RAB3A: variants seen among roughly 807,000 people sequenced by gnomAD.
RAB3A encodes RAB3A, member RAS oncogene family.
A neutral mutation model predicts 19.7 loss-of-function variants in RAB3A; 5 were observed. That is an observed-to-expected ratio of 0.25 (90% CI 0.13 to 0.53). The LOEUF (loss-of-function observed/expected upper bound fraction) is 0.53, where lower values mean the gene tolerates loss of function less well. RAB3A is among the 20% of genes least tolerant of loss of function. The pLI, the probability that RAB3A is intolerant of heterozygous loss-of-function variation, is 0.95. For missense variants in RAB3A, 189 were observed against 305.6 expected, an observed-to-expected ratio of 0.62 and a Z score of 2.85; for synonymous variants, 119 against 122.1, an observed-to-expected ratio of 0.97 and a Z score of 0.17.
chr19:18,202,841 T>G lies in RAB3A; in HGVS notation c.1-101A>C. 1 of 875,670 alleles carries G rather than the reference T, an allele frequency of 1.1e-6. No homozygotes were observed. The highest frequency in any genetic ancestry group is 2.3e-4 in the Middle Eastern group (1 of 4,264). 54.2% of individuals were successfully genotyped at this position (875,670 alleles called of 1,614,324 possible). On this transcript the variant is annotated intron_variant, in intron 1 of 4. Transcript: ENST00000222256. This position sits in a 1 kb window ranked among gnomAD's most constrained non-coding sequence, Gnocchi z 4.2. ...GGCAAGGGCTCCAGAAAACGGCCGG[T>G]GTATGGAGGACACCCTTATCCCATC...
Position 18,202,604 on chromosome 19 carries a change from G to A in RAB3A, c.137C>T (p.Ser46Leu), listed in dbSNP as rs748659456. Residue 46 changes from serine to leucine, a missense_variant, in exon 2 of 5, where the codon TCG becomes TTG. Physicochemically the swap from Ser to Leu is moderately radical, Grantham distance 145. Transcript: ENST00000222256. This position sits in a 1 kb window ranked among gnomAD's most constrained non-coding sequence, Gnocchi z 4.2. The part of the protein sequence containing the change: ...TSFLFRYADD[S>L]FTPAFVSTVG... ...GGTGCTGACGAAGGCAGGCGTGAACGAGTCGTCAGCATAGCGGAAGAGGAA... is the reference window on the plus strand; with the variant it reads ...GGTGCTGACGAAGGCAGGCGTGAACAAGTCGTCAGCATAGCGGAAGAGGAA... The A allele has an allele frequency of 1.2e-6, 2 of 1,614,186 alleles. No individual in the cohort carries two copies. Among genetic ancestry groups the A allele is most frequent in the Non-Finnish European group, 1.7e-6 (2 of 1,180,038 alleles).
Position 18,202,398 on chromosome 19 carries a change from G to GC in RAB3A, c.228+114dup. 1.1e-6 allele frequency: 1 copy of GC among 927,206 alleles called. No individual in the cohort carries two copies. Among genetic ancestry groups the GC allele is most frequent in the East Asian group, 2.4e-5 (1 of 40,868 alleles). 57.4% of individuals were successfully genotyped at this position (927,206 alleles called of 1,614,324 possible). A position where few individuals can be genotyped will look rare whatever the true frequency, so the allele number is the denominator to read the frequency against. ...CACAGTGGGCACCTTACTGATAAATGCCCAGTGTGTAAGTGAATGACTCCA... is the reference window on the plus strand; with the variant it reads ...CACAGTGGGCACCTTACTGATAAATGCCCCAGTGTGTAAGTGAATGACTCCA... On this transcript the variant is annotated intron_variant, in intron 2 of 4. Coordinates refer to ENST00000222256, the MANE Select transcript of RAB3A (RefSeq NM_002866.5). The surrounding 1 kb of genome is among the most constrained non-coding windows in gnomAD (Gnocchi z 4.2).
At position 18,198,806 on chromosome 19, in the gene RAB3A, G is replaced by A; in HGVS notation, c.391C>T (p.Leu131=). 6.2e-7 allele frequency: 1 copy of A among 1,614,126 alleles called. No homozygotes were observed. Among genetic ancestry groups the A allele is most frequent in the East Asian group, 2.2e-5 (1 of 44,872 alleles). ...ATGTCACACTTGTTTCCTACCAGCAGCACCTGGGCATTGTCCCATGAGTAG... is the reference window on the plus strand; with the variant it reads ...ATGTCACACTTGTTTCCTACCAGCAACACCTGGGCATTGTCCCATGAGTAG... ...KTYSWDNAQV[L]LVGNKCDMED... Residue 131 remains leucine, a synonymous_variant, in exon 4 of 5, where the codon CTG becomes TTG. Transcript: ENST00000222256.
rs564471316 is a variant in RAB3A, at chr19:18,199,616, C to T, written c.347+711G>A. 5.4e-3 allele frequency among the ~76,000 whole-genome samples: 820 copies of T among 152,066 alleles called. 6 individuals are homozygous for T. The highest frequency in any genetic ancestry group is 8.4e-3 in the Non-Finnish European group (572 of 67,984). ...TTGGCTCACTGCAACCTCCACCTCC[C>T]GGGTTCGAGCGATTCTCCTGCCTCA... On this transcript the variant is annotated intron_variant, in intron 3 of 4. Transcript: ENST00000222256.
At position 18,197,190 on chromosome 19, in the gene RAB3A, G is replaced by C; in HGVS notation, c.*280C>G. On this transcript the variant is annotated 3_prime_UTR_variant, in exon 5 of 5. Coordinates refer to ENST00000222256, the MANE Select transcript of RAB3A (RefSeq NM_002866.5). ...AAAAAAGGCGGGGGGGGGGGGTTCAGGAGGGTGAGCGGTGAGTTCACGGGG... is the reference window on the plus strand; with the variant it reads ...AAAAAAGGCGGGGGGGGGGGGTTCACGAGGGTGAGCGGTGAGTTCACGGGG... 2.5e-6 allele frequency: 1 copy of C among 396,894 alleles called. No homozygotes were observed. The highest frequency in any genetic ancestry group is 2.1e-5 in the African/African-American group (1 of 47,838). 24.6% of individuals were successfully genotyped at this position (396,894 alleles called of 1,614,324 possible). A position where few individuals can be genotyped will look rare whatever the true frequency, so the allele number is the denominator to read the frequency against.
In RAB3A at chr19:18,202,535, T is replaced by C; in HGVS notation, c.206A>G (p.Lys69Arg). The change falls in exon 2 of 5, where the codon AAG (lysine) becomes AGG (arginine). Residue 69 changes from lysine (K) to arginine (R), a missense_variant. By Grantham distance (26) the Lys-to-Arg change is conservative. Coordinates refer to ENST00000222256, the MANE Select transcript of RAB3A (RefSeq NM_002866.5). This position sits in a 1 kb window ranked among gnomAD's most constrained non-coding sequence, Gnocchi z 4.2. ...FKVKTIYRND[K>R]RIKLQIWDTA... ...CACCCAGATCTGCAGCTTGATCCTC[T>C]TGTCGTTGCGATAGATGGTCTTGAC... 6.2e-7 allele frequency: 1 copy of C among 1,614,150 alleles called. No individual in the cohort carries two copies. Among genetic ancestry groups the C allele is most frequent in the Non-Finnish European group, 8.5e-7 (1 of 1,179,998 alleles).
chr19:18,200,268 A>C lies in RAB3A; in HGVS notation c.347+59T>G, dbSNP rs1967589185. On this transcript the variant is annotated intron_variant, in intron 3 of 4. Transcript: ENST00000222256. ...ACTGCACTCCAGCCTGGGTGACAGA[A>C]TAAAACCCTCTCTCAAAGAAAAGAA... 2.8e-6 allele frequency: 4 copies of C among 1,419,102 alleles called. No individual in the cohort carries two copies. The South Asian group carries it at 5.0e-5, about 18-fold the overall frequency. 87.9% of individuals were successfully genotyped at this position (1,419,102 alleles called of 1,614,324 possible).
rs865803437 is a variant in RAB3A, at chr19:18,197,398, G to A, written c.*72C>T. ...GGTCTTGTGCCCGTGGCTGGTAGGG[G>A]CCGGGTCAGGCCCGGGTAGTTGGGG... On this transcript the variant is annotated 3_prime_UTR_variant, in exon 5 of 5. Transcript: ENST00000222256. 16 of 1,458,784 alleles carry A rather than the reference G, an allele frequency of 1.1e-5. 1 individual carries two copies. The African/African-American group carries it at 1.7e-4, about 16-fold the overall frequency. 90.4% of individuals were successfully genotyped at this position (1,458,784 alleles called of 1,614,324 possible). A position where few individuals can be genotyped will look rare whatever the true frequency, so the allele number is the denominator to read the frequency against.
chr19:18,199,030 G>A (rs771131946), intron 3 of RAB3A, among the ~76,000 whole-genome samples, 181 bp from the exon 4 acceptor site: 18 of 151,736 alleles, frequency 1.2e-4, no homozygotes, highest in Non-Finnish European at 2.5e-4. Flanking sequence ...GCCCCCGACT[G>A]ACCCATTATT....
chr19:18,200,261 T>A, intron 3 of RAB3A, 66 bp downstream of exon 3: 1 of 1,363,074 alleles, frequency 7.3e-7, no homozygotes, highest in Non-Finnish European at 1.0e-6. Context: ...CCAGCCTGGG[T>A]GACAGAATAA....
chr19:18,196,968 A>C lies in RAB3A; in HGVS notation c.*502T>G. On this transcript the variant is annotated 3_prime_UTR_variant, in exon 5 of 5. Coordinates refer to ENST00000222256, the MANE Select transcript of RAB3A (RefSeq NM_002866.5). ...GCACACCCCCCCACCAAAAGAGAAAACGGGGAGAGGAGCCTGGCAGGCCAG... is the reference window on the plus strand; with the variant it reads ...GCACACCCCCCCACCAAAAGAGAAACCGGGGAGAGGAGCCTGGCAGGCCAG... 6.1e-6 allele frequency: 1 copy of C among 164,982 alleles called. No individual in the cohort carries two copies. Among genetic ancestry groups the C allele is most frequent in the Admixed American group, 5.7e-5 (1 of 17,576 alleles). The allele number at this position is 164,982 out of a possible 1,614,324, so 10.2% of individuals were successfully genotyped here. A position where few individuals can be genotyped will look rare whatever the true frequency, so the allele number is the denominator to read the frequency against.
rs1967542762 is a variant in RAB3A at position 18,197,305 on chromosome 19, G to C, written c.*165C>G. The C allele has an allele frequency of 1.5e-6, 1 of 673,306 alleles. No homozygotes were observed. The highest frequency in any genetic ancestry group is 2.4e-6 in the Non-Finnish European group (1 of 415,170). 41.7% of individuals were successfully genotyped at this position (673,306 alleles called of 1,614,324 possible). A position where few individuals can be genotyped will look rare whatever the true frequency, so the allele number is the denominator to read the frequency against. On this transcript the variant is annotated 3_prime_UTR_variant, in exon 5 of 5. Coordinates refer to ENST00000222256, the MANE Select transcript of RAB3A (RefSeq NM_002866.5). ...GGCAGGGGAGCCTGGGCCCCTGGGG[G>C]ACATCTTCAATAAATAAATAAATAG...
At chr19:18,198,921 A>C in intron 3 of RAB3A, 72 bp from the exon 4 acceptor site, 1 of 1,556,532 alleles carries the variant, frequency 6.4e-7, no homozygotes, top group Non-Finnish European at 8.7e-7. Context: ...GCTGATGTGG[A>C]GCCTGTGTCC....
chr19:18,198,801 C>A lies in RAB3A; in HGVS notation c.396G>T (p.Leu132=), dbSNP rs556347776. The change falls in exon 4 of 5, where the codon CTG becomes CTT. Residue 132 remains leucine (L), a synonymous_variant. Transcript: ENST00000222256. ...CCTCCATGTCACACTTGTTTCCTAC[C>A]AGCAGCACCTGGGCATTGTCCCATG... ...TYSWDNAQVL[L]VGNKCDMEDE... 6.2e-7 allele frequency: 1 copy of A among 1,614,130 alleles called. No homozygotes were observed. Among genetic ancestry groups the A allele is most frequent in the South Asian group, 1.1e-5 (1 of 91,080 alleles).
At chr19:18,201,427 CA>C (rs979432117) in intron 2 of RAB3A, among the ~76,000 whole-genome samples, 3 of 147,952 alleles carry the variant, frequency 2.0e-5, no homozygotes, top group Admixed American at 6.8e-5. Context: ...ACTAAAAATA[CA>C]AAAAAAAATT....
At chr19:18,198,938 G>C (rs368111103) in intron 3 of RAB3A, 89 bp from the exon 4 acceptor site, 13 of 1,488,460 alleles carry the variant, frequency 8.7e-6, no homozygotes, top group Non-Finnish European at 1.1e-5. Context: ...GTCCTTGTCC[G>C]AGGAAGAAAG....
intron 2 of RAB3A, among the ~76,000 whole-genome samples, chr19:18,201,249 CAAAA>C (rs111370852): frequency 1.1e-4 from 12 of 113,228 alleles, no homozygotes; most frequent in African/African-American, 1.8e-4. Flanking sequence ...ACAATAACAA[CAAAA>C]AAAAAAAAAA....
chr19:18,200,264 C>T (rs527872486), intron 3 of RAB3A, 63 bp downstream of exon 3: 2 of 1,382,084 alleles, frequency 1.4e-6, no homozygotes, highest in African/African-American at 1.4e-5. Context: ...GCCTGGGTGA[C>T]AGAATAAAAC....
chr19:18,200,890 G>A lies in RAB3A; in HGVS notation c.229-445C>T, dbSNP rs570407869. Among the ~76,000 whole-genome samples the A allele has an allele frequency of 1.1e-4, 17 of 152,056 alleles. No individual in the cohort carries two copies. The South Asian group carries it at 3.3e-3, about 30-fold the overall frequency. ...GCAGAGGTTGCAGTGAGGTGAGATC[G>A]CGCCACTGCAGTTCAGCCTGGGTGA... On this transcript the variant is annotated intron_variant, in intron 2 of 4. Transcript: ENST00000222256.
Sources: gnomAD v4.1 joint callset for allele counts (sites outside exome capture counted in the v4.1 genomes callset) on GRCh38, gnomAD v4.1.1 for gene constraint, Gnocchi (gnomAD v3.1) non-coding constraint, MANE v1.5 for transcripts, NCBI Gene and HGNC (gene_info 2026-07-23, HGNC 2026-07-21) for gene names.